PLEKHA5: variants seen among roughly 807,000 people sequenced by gnomAD.
The protein encoded by PLEKHA5 is pleckstrin homology domain-containing family A member 5.
A neutral mutation model predicts 181.9 loss-of-function variants in PLEKHA5; 55 were observed. That is an observed-to-expected ratio of 0.30 (90% CI 0.24 to 0.38). The LOEUF is 0.38. Ranked by LOEUF, PLEKHA5 falls within the 10% of genes least tolerant of loss-of-function variation. The pLI is 1.00. For synonymous variants in PLEKHA5, 535 were observed against 529.4 expected (o/e 1.01, Z -0.15); for missense variants, 1,432 against 1,549.5 (o/e 0.92, Z 1.27).
chr12:19,148,428 G>T (rs1172302489), intron 3 of PLEKHA5, among the ~76,000 whole-genome samples: 1 of 152,220 alleles, frequency 6.6e-6, no homozygotes, highest in Non-Finnish European at 1.5e-5. Context: ...GGCACGTACT[G>T]CTGGCTGACA....
intron 3 of PLEKHA5, chr12:19,153,366 A>G (rs1207548856): frequency 6.6e-6 from 1 of 152,196 alleles, no homozygotes; most frequent in African/African-American, 2.4e-5. Context: ...ATGCTAAACC[A>G]TTAATGGTAA....
Position 19,365,973 on chromosome 12 carries a change from T to C in PLEKHA5, c.3618T>C (p.Asp1206=). 1 of 1,607,558 alleles carries C rather than the reference T, an allele frequency of 6.2e-7. No individual in the cohort carries two copies. The highest frequency in any genetic ancestry group is 1.1e-5 in the South Asian group (1 of 89,372). The change falls in exon 30 of 32, where the codon GAT becomes GAC. Residue 1206 remains aspartate (D), a synonymous_variant. Coordinates refer to ENST00000429027, the MANE Select transcript of PLEKHA5 (RefSeq NM_001256470.2). ...AATCTATTTTCATCAGCCCTCAAGA[T>C]GAAACACAGACCGCAAATCATAAAC... ...MPEDVTFSPQ[D]ETQTANHKPE...
intron 31 of PLEKHA5, among the ~76,000 whole-genome samples, chr12:19,375,019 C>T (rs1398956075): frequency 6.6e-6 from 1 of 151,606 alleles, no homozygotes; most frequent in Non-Finnish European, 1.5e-5. Flanking sequence ...AGAAGAATTG[C>T]ATTACATTAT....
At chr12:19,225,045 G>C (rs2059501802) in intron 3 of PLEKHA5, among the ~76,000 whole-genome samples, 1 of 152,138 alleles carries the variant, frequency 6.6e-6, no homozygotes. Context: ...TATCTCTTCT[G>C]TTAGCCACAA....
intron 25 of PLEKHA5, among the ~76,000 whole-genome samples, chr12:19,351,800 G>A (rs898872987): frequency 5.9e-5 from 9 of 152,086 alleles, no homozygotes; most frequent in South Asian, 2.1e-4. Flanking sequence ...AAGGCAGGGC[G>A]CAGTGGCTCA....
chr12:19,211,109 A>C (rs1483104062), intron 3 of PLEKHA5, among the ~76,000 whole-genome samples: 2 of 152,172 alleles, frequency 1.3e-5, no homozygotes, highest in Non-Finnish European at 2.9e-5. Flanking sequence ...AAAATTATGA[A>C]ATAATTAATG....
At chr12:19,209,270 A>G (rs752168375) in intron 3 of PLEKHA5, among the ~76,000 whole-genome samples, 13 of 152,192 alleles carry the variant, frequency 8.5e-5, no homozygotes, top group Admixed American at 4.6e-4. Flanking sequence ...TTATGGGGAC[A>G]ACACTCCAAA....
At chr12:19,171,466 A>G (rs535853477) in intron 3 of PLEKHA5, among the ~76,000 whole-genome samples, 71 of 152,268 alleles carry the variant, frequency 4.7e-4, no homozygotes, top group African/African-American at 1.6e-3. Context: ...ATTTATATTG[A>G]TATACAATTT....
chr12:19,215,394 G>A (rs1367951538), intron 3 of PLEKHA5, among the ~76,000 whole-genome samples: 2 of 151,996 alleles, frequency 1.3e-5, no homozygotes, highest in African/African-American at 4.8e-5. Flanking sequence ...TGAGTGTTTA[G>A]TGCTTTCTAG....
intron 3 of PLEKHA5, among the ~76,000 whole-genome samples, chr12:19,245,417 G>T (rs2063477588): frequency 6.6e-6 from 1 of 152,102 alleles, no homozygotes; most frequent in African/African-American, 2.4e-5. Context: ...TTTGCCGTTG[G>T]TTGAATTGGA....
chr12:19,320,432 G>A (rs545403477), intron 17 of PLEKHA5, 130 bp from the exon 18 acceptor site: 357 of 509,874 alleles, frequency 7.0e-4, no homozygotes, highest in Non-Finnish European at 9.7e-4. Context: ...ACTTCTAAAA[G>A]TGTAAGAATC....
chr12:19,205,151 G>A (rs2055119413), intron 3 of PLEKHA5: 1 of 152,204 alleles, frequency 6.6e-6, no homozygotes, highest in Non-Finnish European at 1.5e-5. Flanking sequence ...ATAGTTTATT[G>A]TCAGTTAATG....
chr12:19,367,985 A>C (rs560435974), intron 30 of PLEKHA5, among the ~76,000 whole-genome samples: 3 of 152,110 alleles, frequency 2.0e-5, no homozygotes, highest in Non-Finnish European at 4.4e-5. Flanking sequence ...ATGAAATTCA[A>C]GTATTCAGGA....
intron 20 of PLEKHA5, among the ~76,000 whole-genome samples, chr12:19,333,102 T>G (rs10770474): frequency 0.81 from 123,435 of 152,002 alleles, 51,411 homozygotes; most frequent in Non-Finnish European, 0.91. Flanking sequence ...CTGACCAACA[T>G]GGAGAAACCC....
chr12:19,267,196 T>C (rs1408186967), intron 8 of PLEKHA5, among the ~76,000 whole-genome samples: 1 of 152,164 alleles, frequency 6.6e-6, no homozygotes, highest in Non-Finnish European at 1.5e-5. Flanking sequence ...AGTAAGGAAC[T>C]ATAAGGTTCT....
intron 7 of PLEKHA5, among the ~76,000 whole-genome samples, chr12:19,262,819 T>A (rs550048091): frequency 1.3e-5 from 2 of 152,272 alleles, no homozygotes; most frequent in African/African-American, 4.8e-5. Context: ...GACCTCAGCA[T>A]CACGCAATTT....
At chr12:19,188,119 A>T in intron 3 of PLEKHA5, among the ~76,000 whole-genome samples, 1 of 152,244 alleles carries the variant, frequency 6.6e-6, no homozygotes, top group East Asian at 1.9e-4. Context: ...ATTGGGTGGT[A>T]AGGAAAGTGT....
chr12:19,366,055 G>A lies in PLEKHA5; in HGVS notation c.3700G>A (p.Val1234Ile), dbSNP rs770016129. Reference sequence around the variant, plus strand: ...CAGTGTTGACGAACAGGAAGAAACTGTTATTTCTTACGAATCAACTCCTGA... The same window carrying A: ...CAGTGTTGACGAACAGGAAGAAACTATTATTTCTTACGAATCAACTCCTGA... ...KNSVDEQEET[V>I]ISYESTPEVS... Residue 1234 changes from valine to isoleucine, a missense_variant, in exon 30 of 32, where the codon GTT (valine) becomes ATT (isoleucine). Val to Ile is a conservative substitution (Grantham distance 29). Transcript: ENST00000429027. The A allele has an allele frequency of 1.9e-6, 3 of 1,610,664 alleles. No homozygotes were observed. Among genetic ancestry groups the A allele is most frequent in the East Asian group, 2.2e-5 (1 of 44,826 alleles).
At chr12:19,175,083 G>A (rs142625539) in intron 3 of PLEKHA5, among the ~76,000 whole-genome samples, 17 of 152,344 alleles carry the variant, frequency 1.1e-4, no homozygotes, top group African/African-American at 4.1e-4. Context: ...TTAGAAGACA[G>A]CTGGAATGAG....
Sources: allele counts gnomAD v4.1 joint callset (sites outside exome capture counted in the v4.1 genomes callset), GRCh38; gene constraint gnomAD v4.1.1; transcripts MANE v1.5; gene names NCBI Gene and HGNC (gene_info 2026-07-23, HGNC 2026-07-21).